The following BBS7 variants were observed in gnomAD, a reference collection of about 807,000 sequenced individuals.
BBS7 encodes BBSome complex member BBS7.
Under a neutral mutation model 90.3 loss-of-function variants are expected in BBS7, and 50 were observed. That is an observed-to-expected ratio of 0.55 (90% CI 0.44 to 0.70). BBS7 has a LOEUF of 0.70. Ranked by LOEUF, BBS7 falls within the 30% of genes least tolerant of loss-of-function variation. BBS7 has a pLI of 0.00. For synonymous variants in BBS7, 235 were observed against 287.4 expected, an observed-to-expected ratio of 0.82 and a Z score of 1.85; for missense variants, 729 against 838.9, an observed-to-expected ratio of 0.87 and a Z score of 1.62.
At chr4:121,868,069 T>C (rs1478745822) in intron 1 of BBS7, 23 bp from the exon 2 acceptor site, 1 of 1,590,708 alleles carries the variant, frequency 6.3e-7, no homozygotes, top group Admixed American at 1.7e-5. Flanking sequence ...ACCAGATGCC[T>C]AGTGAATTTA....
chr4:121,869,054 G>T (rs1219476390), intron 1 of BBS7, among the ~76,000 whole-genome samples: 1 of 152,160 alleles, frequency 6.6e-6, no homozygotes, highest in African/African-American at 2.4e-5. Flanking sequence ...GCCCAATTTG[G>T]AGGTTATTTC....
intron 14 of BBS7, among the ~76,000 whole-genome samples, chr4:121,834,431 A>T (rs2149055618): frequency 6.6e-6 from 1 of 152,300 alleles, no homozygotes; most frequent in South Asian, 2.1e-4. Context: ...ATCTTATTGA[A>T]ATTATATATT....
chr4:121,835,787 A>T (rs1725422633), intron 13 of BBS7, among the ~76,000 whole-genome samples: 2 of 152,298 alleles, frequency 1.3e-5, no homozygotes, highest in East Asian at 3.9e-4. Context: ...AATATAGGAC[A>T]TAACAATTTT....
chr4:121,870,292 T>A lies in BBS7; in HGVS notation c.22A>T (p.Met8Leu), dbSNP rs757370927. 26 of 1,614,064 alleles carry A rather than the reference T, an allele frequency of 1.6e-5. No homozygotes were observed. Among genetic ancestry groups the A allele is most frequent in the Non-Finnish European group, 2.1e-5 (25 of 1,179,964 alleles). ...CTTGGGTTTACCTGCAGATAATCCA[T>A]TCGGTTTAAAATCAGATCCATGATG... The part of the protein sequence containing the change: MDLILNR[M>L]DYLQVGVTSQ... Residue 8 changes from methionine (M) to leucine (L), a missense_variant, in exon 1 of 19, where the codon ATG becomes TTG. By Grantham distance (15) the Met-to-Leu change is conservative. Coordinates refer to ENST00000264499, the MANE Select transcript of BBS7 (RefSeq NM_176824.3).
chr4:121,851,854 T>A (rs904045400), intron 8 of BBS7, among the ~76,000 whole-genome samples: 1 of 152,182 alleles, frequency 6.6e-6, no homozygotes, highest in Non-Finnish European at 1.5e-5. Context: ...CCTCTGTCAT[T>A]AGACAGAAGA....
chr4:121,853,594 T>G (rs1380431719), intron 7 of BBS7, among the ~76,000 whole-genome samples: 2 of 151,978 alleles, frequency 1.3e-5, no homozygotes, highest in African/African-American at 4.8e-5. Flanking sequence ...ATACTGAAAT[T>G]GTCTATGTTT....
chr4:121,834,201 T>G (rs896141315), intron 14 of BBS7, among the ~76,000 whole-genome samples: 3 of 152,192 alleles, frequency 2.0e-5, no homozygotes, highest in Admixed American at 2.0e-4. Context: ...ATCCTGTCAT[T>G]TGCAGATGAA....
intron 2 of BBS7, among the ~76,000 whole-genome samples, chr4:121,865,077 C>T (rs1727183381): frequency 6.6e-6 from 1 of 152,048 alleles, no homozygotes; most frequent in East Asian, 1.9e-4. Context: ...CTCTAGTATT[C>T]TCTGTCCTAC....
chr4:121,861,799 A>T (rs886822352), intron 3 of BBS7, 120 bp from the exon 4 acceptor site: 1 of 960,104 alleles, frequency 1.0e-6, no homozygotes, highest in Non-Finnish European at 1.6e-6. Context: ...ACTATATAGA[A>T]ATAATTTTAG....
At chr4:121,833,794 C>G (rs766183204) in intron 14 of BBS7, among the ~76,000 whole-genome samples, 8 of 152,052 alleles carry the variant, frequency 5.3e-5, no homozygotes, top group Middle Eastern at 6.8e-3. Flanking sequence ...ATTTTTCTTT[C>G]AGCTTCCCAA....
rs1394015094 is a variant in BBS7 at position 121,833,250 on chromosome 4, G to A, written c.1657C>T (p.Gln553Ter). 2.5e-6 allele frequency: 4 copies of A among 1,613,876 alleles called. No individual in the cohort carries two copies. The highest frequency in any genetic ancestry group is 3.4e-6 in the Non-Finnish European group (4 of 1,179,820). The stretch of plus-strand genomic sequence containing the variant: ...ATTTACCTGTAGGTACTTTCAAGTT[G>A]TGTATCTAGAAAGGTGTTCTGAAAG... ...FYFQNTFLDT[Q>*]LESTYRKGEG... Residue 553 changes from glutamine (Q) to a stop codon, truncating the protein, a stop_gained, in exon 15 of 19, where the codon CAA (glutamine) becomes TAA (stop). Coordinates refer to ENST00000264499, the MANE Select transcript of BBS7 (RefSeq NM_176824.3). LOFTEE classifies it high-confidence loss of function.
At chr4:121,845,416 C>T in intron 11 of BBS7, 88 bp downstream of exon 11, 2 of 812,774 alleles carry the variant, frequency 2.5e-6, no homozygotes, top group Middle Eastern at 3.9e-4. Flanking sequence ...CTGTCTAAAA[C>T]TAAAAATGTT....
intron 10 of BBS7, among the ~76,000 whole-genome samples, chr4:121,846,506 G>A (rs1726017508): frequency 6.6e-6 from 1 of 152,064 alleles, no homozygotes; most frequent in South Asian, 2.1e-4. Flanking sequence ...GAACAAATCA[G>A]ATATAAGTTT....
chr4:121,861,705 GTACACAAAT>G (rs1726990236), intron 3 of BBS7, 26 bp from the exon 4 acceptor site: 2 of 1,611,906 alleles, frequency 1.2e-6, no homozygotes, highest in African/African-American at 2.7e-5. Context: ...CAGGAAAAAA[GTACACAAAT>G]TACTTTATTG....
intron 13 of BBS7, among the ~76,000 whole-genome samples, chr4:121,838,107 A>AG (rs1725547077): frequency 6.6e-6 from 1 of 152,058 alleles, no homozygotes; most frequent in Non-Finnish European, 1.5e-5. Context: ...CCATCTAAAA[A>AG]AAAAAAAAGA....
chr4:121,828,749 T>G, intron 15 of BBS7, 21 bp from the exon 16 acceptor site: 1 of 1,359,340 alleles, frequency 7.4e-7, no homozygotes, highest in African/African-American at 1.5e-5. Context: ...AATATATTTT[T>G]TAAAAGAATA....
intron 10 of BBS7, among the ~76,000 whole-genome samples, chr4:121,847,142 C>A (rs567147942): frequency 3.3e-5 from 5 of 151,964 alleles, no homozygotes; most frequent in Admixed American, 1.3e-4. Context: ...CACACACACA[C>A]AAAAAAGAAA....
chr4:121,831,260 T>C (rs564794516), intron 15 of BBS7, among the ~76,000 whole-genome samples: 1 of 151,900 alleles, frequency 6.6e-6, no homozygotes, highest in Non-Finnish European at 1.5e-5. Flanking sequence ...CAGATAACAA[T>C]AAATATCACA....
chr4:121,861,858 A>G (rs1727002787), intron 3 of BBS7, among the ~76,000 whole-genome samples, 179 bp from the exon 4 acceptor site: 2 of 152,334 alleles, frequency 1.3e-5, no homozygotes, highest in South Asian at 4.1e-4. Context: ...TGCTATACTT[A>G]ACTTTTAAAT....
Sources: gnomAD v4.1 joint callset for allele counts (sites outside exome capture counted in the v4.1 genomes callset) on GRCh38, gnomAD v4.1.1 for gene constraint, MANE v1.5 for transcripts, NCBI Gene and HGNC (gene_info 2026-07-23, HGNC 2026-07-21) for gene names.